IL12RB2: variants seen among roughly 807,000 people sequenced by gnomAD.
IL12RB2 encodes the protein interleukin 12 receptor subunit beta 2, also known as interleukin-12 receptor subunit beta-2.
A neutral mutation model predicts 89.4 loss-of-function variants in IL12RB2; 82 were observed. That is an observed-to-expected ratio of 0.92 (90% CI 0.77 to 1.10). The LOEUF (loss-of-function observed/expected upper bound fraction) is 1.10, where lower values mean the gene tolerates loss of function less well. Among genes scored for constraint, IL12RB2 ranks in the 50% least tolerant of loss-of-function variants. IL12RB2 has a pLI of 0.00. For synonymous variants in IL12RB2, 368 were observed against 370.1 expected, an observed-to-expected ratio of 0.99 and a Z score of 0.07; for missense variants, 963 against 1,031.9, an observed-to-expected ratio of 0.93 and a Z score of 0.92.
At chr1:67,373,979 G>A (rs550486501) in intron 13 of IL12RB2, among the ~76,000 whole-genome samples, 1 of 152,150 alleles carries the variant, frequency 6.6e-6, no homozygotes, top group Non-Finnish European at 1.5e-5. Flanking sequence ...ACTAAAACAT[G>A]AAGATAGTTC....
At chr1:67,386,545 ACT>A in intron 14 of IL12RB2, 32 bp from the exon 15 acceptor site, 4 of 1,411,490 alleles carry the variant, frequency 2.8e-6, no homozygotes, top group Non-Finnish European at 4.0e-6. Context: ...ATTGGTGATA[ACT>A]CACTCAGTCA....
chr1:67,357,375 C>G (rs12086726), intron 10 of IL12RB2, among the ~76,000 whole-genome samples: 23,668 of 151,756 alleles, frequency 0.16, 2,295 homozygotes, highest in East Asian at 0.39. Context: ...GAGATTCTGT[C>G]TCAAAAAGAA....
At chr1:67,335,298 G>C (rs896459646) in intron 8 of IL12RB2, among the ~76,000 whole-genome samples, 1 of 152,188 alleles carries the variant, frequency 6.6e-6, no homozygotes, top group Non-Finnish European at 1.5e-5. Flanking sequence ...AGGGAGCGGG[G>C]TCCAGAACTC....
chr1:67,313,101 G>T (rs982178336), intron 1 of IL12RB2, among the ~76,000 whole-genome samples: 3 of 152,194 alleles, frequency 2.0e-5, no homozygotes, highest in African/African-American at 4.8e-5. Context: ...GGTAGACTTG[G>T]AATGAAAAAC....
chr1:67,307,770 A>G (rs939937646), upstream of IL12RB2: 3 of 151,696 alleles, frequency 2.0e-5, no homozygotes, highest in Non-Finnish European at 4.4e-5. Flanking sequence ...CCCGATCCTC[A>G]CTCGCCGCCA....
intron 10 of IL12RB2, among the ~76,000 whole-genome samples, chr1:67,353,225 A>G (rs1440025612): frequency 6.6e-6 from 1 of 152,208 alleles, no homozygotes; most frequent in East Asian, 1.9e-4. Flanking sequence ...GATACACATT[A>G]TAAGTGAAAA....
At position 67,395,749 on chromosome 1, in the gene IL12RB2, C is replaced by T; in HGVS notation, c.2249C>T (p.Pro750Leu). ...EKDMMHSASS[P>L]PPPRALQAES... ...GACATGATGCACAGTGCCTCAAGCC[C>T]ACCACCTCCAAGAGCTCTCCAAGCT... is the stretch of plus-strand genomic sequence containing the variant. Residue 750 changes from proline (P) to leucine (L), a missense_variant, in exon 17 of 17, where the codon CCA becomes CTA. Physicochemically the swap from Pro to Leu is moderately conservative, Grantham distance 98 (BLOSUM62 -3). Coordinates refer to ENST00000674203, the MANE Select transcript of IL12RB2 (RefSeq NM_001374259.2). The T allele has an allele frequency of 1.2e-6, 2 of 1,613,928 alleles. No individual in the cohort carries two copies. Among genetic ancestry groups the T allele is most frequent in the Non-Finnish European group, 8.5e-7 (1 of 1,179,808 alleles).
chr1:67,390,266 G>T, intron 16 of IL12RB2, 138 bp downstream of exon 16: 1 of 667,736 alleles, frequency 1.5e-6, no homozygotes, highest in Non-Finnish European at 2.8e-6. Flanking sequence ...GGCTACCACT[G>T]AGTCATCATT....
At chr1:67,311,192 G>C (rs755126232) in intron 1 of IL12RB2, among the ~76,000 whole-genome samples, 58 of 152,142 alleles carry the variant, frequency 3.8e-4, no homozygotes, top group Non-Finnish European at 2.1e-4. Context: ...GGCTCTTCTG[G>C]GAGCTTGGAC....
At chr1:67,353,945 C>G (rs1315183453) in intron 10 of IL12RB2, among the ~76,000 whole-genome samples, 1 of 152,168 alleles carries the variant, frequency 6.6e-6, no homozygotes, top group Non-Finnish European at 1.5e-5. Context: ...ATGTCACATT[C>G]ATTATGTTAG....
chr1:67,362,295 G>C (rs1372907519), intron 10 of IL12RB2, among the ~76,000 whole-genome samples: 1 of 151,114 alleles, frequency 6.6e-6, no homozygotes, highest in South Asian at 2.1e-4. Flanking sequence ...GGCCGGGCGC[G>C]GTGGCTCACG....
At chr1:67,354,749 T>C (rs2100871173) in intron 10 of IL12RB2, among the ~76,000 whole-genome samples, 1 of 152,320 alleles carries the variant, frequency 6.6e-6, no homozygotes, top group Admixed American at 6.5e-5. Context: ...GGGTAGAACA[T>C]GACTTTGTGC....
intron 9 of IL12RB2, among the ~76,000 whole-genome samples, chr1:67,342,659 C>T (rs1659772986): frequency 1.3e-5 from 2 of 151,872 alleles, no homozygotes; most frequent in South Asian, 2.1e-4. Flanking sequence ...GTGAAGGAGA[C>T]CTTTGCTTTG....
At chr1:67,332,584 A>C (rs1336204797) in intron 8 of IL12RB2, among the ~76,000 whole-genome samples, 1 of 152,180 alleles carries the variant, frequency 6.6e-6, no homozygotes, top group Non-Finnish European at 1.5e-5. Flanking sequence ...TTAATGTTGA[A>C]CCACTTGCCC....
At chr1:67,309,639 A>G (rs1654752270) in intron 1 of IL12RB2, among the ~76,000 whole-genome samples, 1 of 152,194 alleles carries the variant, frequency 6.6e-6, no homozygotes. Flanking sequence ...AGGCTGATAA[A>G]TTCCCAAACT....
Position 67,395,854 on chromosome 1 carries a change from C to G in IL12RB2, c.2354C>G (p.Pro785Arg). 1 of 1,610,296 alleles carries G rather than the reference C, an allele frequency of 6.2e-7. No homozygotes were observed. Among genetic ancestry groups the G allele is most frequent in the Non-Finnish European group, 8.5e-7 (1 of 1,177,042 alleles). The change falls in exon 17 of 17, where the codon CCC becomes CGC. Residue 785 changes from proline (P) to arginine (R), a missense_variant. Pro to Arg is a moderately radical substitution (Grantham distance 103). Transcript: ENST00000674203. ...SDPKPENPAC[P>R]WTVLPAGDLP... is the part of the protein sequence containing the mutation. Reference sequence around the variant, plus strand: ...CCAAAGCCCGAAAACCCAGCCTGTCCCTGGACGGTGCTCCCAGCAGGTGAC... The same window carrying G: ...CCAAAGCCCGAAAACCCAGCCTGTCGCTGGACGGTGCTCCCAGCAGGTGAC...
intron 10 of IL12RB2, among the ~76,000 whole-genome samples, chr1:67,366,224 G>A (rs1662650428): frequency 6.6e-6 from 1 of 152,046 alleles, no homozygotes; most frequent in Non-Finnish European, 1.5e-5. Context: ...GCCCGAGGCG[G>A]GTGGATCACC....
intron 11 of IL12RB2, among the ~76,000 whole-genome samples, chr1:67,369,315 T>C (rs541191405): frequency 6.6e-6 from 1 of 152,342 alleles, no homozygotes; most frequent in South Asian, 2.1e-4. Context: ...TTGACGGCTG[T>C]TGCTGGTTTT....
At chr1:67,319,943 A>G (rs1184029919) in intron 2 of IL12RB2, among the ~76,000 whole-genome samples, 1 of 152,160 alleles carries the variant, frequency 6.6e-6, no homozygotes, top group Non-Finnish European at 1.5e-5. Flanking sequence ...CCATCTATGA[A>G]CCGTCTATGA....
Sources: gnomAD v4.1 joint callset for allele counts (sites outside exome capture counted in the v4.1 genomes callset) on GRCh38, gnomAD v4.1.1 for gene constraint, MANE v1.5 for transcripts, NCBI Gene and HGNC (gene_info 2026-07-23, HGNC 2026-07-21) for gene names.